The following DLC1 variants were observed in gnomAD, a reference collection of about 807,000 sequenced individuals.
DLC1 encodes the protein DLC1 Rho GTPase activating protein.
DLC1 carries 54 observed loss-of-function variants against 140.3 expected under a neutral mutation model. The ratio of observed to expected loss-of-function variants is 0.38; its 90% CI spans 0.31 to 0.48. DLC1 has a LOEUF of 0.48. Among genes scored for constraint, DLC1 ranks in the 20% least tolerant of loss-of-function variants. The pLI is 0.96. For synonymous variants in DLC1, 986 were observed against 728.1 expected (o/e 1.35, Z -5.70); for missense variants, 2,536 against 1,907.0 (o/e 1.33, Z -6.14).
intron 15 of DLC1, among the ~76,000 whole-genome samples, chr8:13,089,489 G>C (rs1351607991): frequency 6.6e-6 from 1 of 151,956 alleles, no homozygotes; most frequent in African/African-American, 2.4e-5. Flanking sequence ...GCATGGCGTG[G>C]TGGTGGGCAC....
chr8:13,288,816 G>C (rs1831641219), intron 5 of DLC1, among the ~76,000 whole-genome samples: 1 of 152,190 alleles, frequency 6.6e-6, no homozygotes, highest in African/African-American at 2.4e-5. Flanking sequence ...GAAGAGACTT[G>C]TGTGGGCTGA....
chr8:13,164,185 T>C (rs1232313307), intron 5 of DLC1, among the ~76,000 whole-genome samples: 2 of 151,910 alleles, frequency 1.3e-5, no homozygotes, highest in African/African-American at 4.8e-5. Flanking sequence ...TAATCCCAGC[T>C]ACTTGGGAGG....
At chr8:13,583,936 A>G (rs1210944001) in intron 1 of DLC1, 1 of 152,260 alleles carries the variant, frequency 6.6e-6, no homozygotes, top group African/African-American at 2.4e-5. Context: ...CTGGACAGCT[A>G]TCATGGTCAC....
At chr8:13,507,779 A>C (rs1052698112) in intron 1 of DLC1, among the ~76,000 whole-genome samples, 18 of 152,282 alleles carry the variant, frequency 1.2e-4, no homozygotes, top group African/African-American at 4.3e-4. Context: ...AAGCATCAAA[A>C]ACTTTACCAA....
chr8:13,138,997 G>C (rs144296750), intron 5 of DLC1, among the ~76,000 whole-genome samples: 1 of 152,040 alleles, frequency 6.6e-6, no homozygotes. Flanking sequence ...ATTTTTAAGA[G>C]AGAGAAGCTG....
At chr8:13,423,365 C>G (rs909926919) in intron 2 of DLC1, among the ~76,000 whole-genome samples, 1 of 152,124 alleles carries the variant, frequency 6.6e-6, no homozygotes, top group Non-Finnish European at 1.5e-5. Context: ...TAGTATCGCC[C>G]TTATTTGTTT....
At chr8:13,604,611 A>G (rs951346727), upstream of DLC1, 6 of 152,182 alleles carry the variant, frequency 3.9e-5, no homozygotes, top group African/African-American at 1.2e-4. Flanking sequence ...TCTGATAATC[A>G]TGAGTGAGCT....
intron 4 of DLC1, among the ~76,000 whole-genome samples, chr8:13,349,524 G>A (rs1255216702): frequency 6.6e-6 from 1 of 152,164 alleles, no homozygotes; most frequent in African/African-American, 2.4e-5. Flanking sequence ...ACAGAGCTGG[G>A]TCTCAACCAG....
intron 2 of DLC1, among the ~76,000 whole-genome samples, chr8:13,479,863 A>AGAGAAAAAG (rs1563383641): frequency 3.5e-4 from 20 of 56,400 alleles, no homozygotes; most frequent in African/African-American, 5.5e-4. Context: ...GAAGAAGAGA[A>AGAGAAAAAG]AAAGAAAGAA....
chr8:13,153,540 T>C (rs1466075615), intron 5 of DLC1, among the ~76,000 whole-genome samples: 1 of 152,234 alleles, frequency 6.6e-6, no homozygotes, highest in African/African-American at 2.4e-5. Flanking sequence ...CCTGCTCTTA[T>C]TCCCTTATGT....
Position 13,409,308 on chromosome 8 carries a change from T to C in DLC1, c.1024-7689A>G, listed in dbSNP as rs150700699. 4.5e-3 allele frequency among the ~76,000 whole-genome samples: 682 copies of C among 152,292 alleles called. 5 individuals are homozygous for C. The highest frequency in any genetic ancestry group is 0.015 in the African/African-American group (636 of 41,570). ...AATAAAGATTCTTTATGCTATCTGA[T>C]ATACTCTCAATTAAGCCATACTATG... is the stretch of plus-strand genomic sequence containing the variant. On this transcript the variant is annotated intron_variant, in intron 2 of 17. Transcript: ENST00000276297.
At chr8:13,577,982 A>T (rs1266284122) in intron 1 of DLC1, among the ~76,000 whole-genome samples, 1 of 151,670 alleles carries the variant, frequency 6.6e-6, no homozygotes, top group African/African-American at 2.4e-5. Context: ...TTATTCCTGT[A>T]ACACTGAGGA....
At chr8:13,187,697 G>A (rs1030390116) in intron 5 of DLC1, among the ~76,000 whole-genome samples, 1 of 152,184 alleles carries the variant, frequency 6.6e-6, no homozygotes, top group Non-Finnish European at 1.5e-5. Flanking sequence ...CAGGAGAAAA[G>A]GAATGAGGAA....
intron 2 of DLC1, among the ~76,000 whole-genome samples, chr8:13,402,765 C>T (rs1254042545): frequency 6.6e-6 from 1 of 152,304 alleles, no homozygotes; most frequent in East Asian, 1.9e-4. Context: ...TGAATCACAA[C>T]TTCATTTTTT....
intron 5 of DLC1, among the ~76,000 whole-genome samples, chr8:13,183,744 C>A (rs536100510): frequency 2.0e-5 from 3 of 152,018 alleles, no homozygotes; most frequent in Non-Finnish European, 2.9e-5. Context: ...ATTTTTGCAT[C>A]GATGTTCATC....
At chr8:13,165,605 G>C (rs73663614) in intron 5 of DLC1, among the ~76,000 whole-genome samples, 1,658 of 152,316 alleles carry the variant, frequency 0.011, 32 homozygotes, top group African/African-American at 0.037. Context: ...CTTTTGGAAA[G>C]ATTTGGCCAG....
At chr8:13,145,176 C>A (rs1457268237) in intron 5 of DLC1, among the ~76,000 whole-genome samples, 1 of 151,968 alleles carries the variant, frequency 6.6e-6, no homozygotes, top group African/African-American at 2.4e-5. Context: ...TGAGAGATAG[C>A]AGAGCCAGTA....
chr8:13,542,899 C>T (rs552655920), intron 1 of DLC1, among the ~76,000 whole-genome samples: 25 of 152,066 alleles, frequency 1.6e-4, no homozygotes, highest in South Asian at 4.1e-4. Context: ...TAGATAATTA[C>T]GTAGTCTATT....
intron 1 of DLC1, among the ~76,000 whole-genome samples, chr8:13,546,625 C>A (rs1803656866): frequency 1.3e-5 from 2 of 152,080 alleles, no homozygotes; most frequent in African/African-American, 4.8e-5. Flanking sequence ...GAAGGAAAAA[C>A]CAGGGCCCTC....
Sources: gnomAD v4.1 joint callset for allele counts (sites outside exome capture counted in the v4.1 genomes callset) on GRCh38, gnomAD v4.1.1 for gene constraint, MANE v1.5 for transcripts, NCBI Gene and HGNC (gene_info 2026-07-23, HGNC 2026-07-21) for gene names.